The following SQSTM1 variants were observed in gnomAD, a reference collection of about 807,000 sequenced individuals.
SQSTM1 encodes the protein sequestosome 1.
A neutral mutation model predicts 45.1 loss-of-function variants in SQSTM1; 36 were observed. The observed-to-expected ratio is 0.80, with a 90% confidence interval of 0.61 to 1.05. The LOEUF (loss-of-function observed/expected upper bound fraction) is 1.05. Ranked by LOEUF, SQSTM1 falls within the 50% of genes least tolerant of loss-of-function variation. The pLI, the probability that SQSTM1 is intolerant of heterozygous loss-of-function variation, is 0.00. For missense variants in SQSTM1, 617 were observed against 607.1 expected, an observed-to-expected ratio of 1.02 and a Z score of -0.17; for synonymous variants, 290 against 244.3, an observed-to-expected ratio of 1.19 and a Z score of -1.74.
At chr5:179,808,982 C>G (rs1040370317) in intron 1 of SQSTM1, among the ~76,000 whole-genome samples, 10 of 150,944 alleles carry the variant, frequency 6.6e-5, no homozygotes, top group African/African-American at 2.4e-4. Flanking sequence ...CTCAGCCTCC[C>G]GAGTAGCTGG....
chr5:179,837,302 G>A lies in SQSTM1; in HGVS notation c.*709G>A. Reference sequence around the variant, plus strand: ...GATTGACAGTAAGTTTATTGTTAATGGTTCTTACAGAGTATCTTTAAAAGT... The same window carrying A: ...GATTGACAGTAAGTTTATTGTTAATAGTTCTTACAGAGTATCTTTAAAAGT... On this transcript the variant is annotated 3_prime_UTR_variant, in exon 8 of 8. Coordinates refer to ENST00000389805, the MANE Select transcript of SQSTM1 (RefSeq NM_003900.5). 6.2e-7 allele frequency: 1 copy of A among 1,601,270 alleles called. No homozygotes were observed. Among genetic ancestry groups the A allele is most frequent in the Non-Finnish European group, 8.5e-7 (1 of 1,174,078 alleles).
Position 179,833,768 on chromosome 5 carries a change from C to T in SQSTM1, c.1151C>T (p.Pro384Leu), listed in dbSNP as rs1235968497. 3.1e-6 allele frequency: 5 copies of T among 1,614,116 alleles called. No individual in the cohort carries two copies. Among genetic ancestry groups the T allele is most frequent in the Non-Finnish European group, 3.4e-6 (4 of 1,180,034 alleles). ...GGGCTGAAGGAAGCTGCCTTGTACCCACATCTCCCGCCAGGCAAGTGAACC... is the reference window on the plus strand; with the variant it reads ...GGGCTGAAGGAAGCTGCCTTGTACCTACATCTCCCGCCAGGCAAGTGAACC... ...PTGLKEAALY[P>L]HLPPEADPRL... The change falls in exon 7 of 8, where the codon CCA becomes CTA. Residue 384 changes from proline to leucine, a missense_variant. Physicochemically the swap from Pro to Leu is moderately conservative, Grantham distance 98. Coordinates refer to ENST00000389805, the MANE Select transcript of SQSTM1 (RefSeq NM_003900.5).
In SQSTM1 at chr5:179,823,923, C is replaced by T. The variant is rs746553762; in HGVS notation, c.367C>T (p.His123Tyr). ...CAQEAPRNMV[H>Y]PNVICDGCNG... Reference sequence around the variant, plus strand: ...TCAGGAGGCGCCCCGCAACATGGTGCACCCCAATGTGATCTGCGATGGCTG... The same window carrying T: ...TCAGGAGGCGCCCCGCAACATGGTGTACCCCAATGTGATCTGCGATGGCTG... The change falls in exon 3 of 8, where the codon CAC (histidine) becomes TAC (tyrosine). Residue 123 changes from histidine (H) to tyrosine (Y), a missense_variant. By Grantham distance (83) the His-to-Tyr change is moderately conservative. Coordinates refer to ENST00000389805, the MANE Select transcript of SQSTM1 (RefSeq NM_003900.5). The T allele has an allele frequency of 6.2e-7, 1 of 1,613,838 alleles. No individual in the cohort carries two copies. Among genetic ancestry groups the T allele is most frequent in the South Asian group, 1.1e-5 (1 of 91,086 alleles).
chr5:179,836,659 A>C lies in SQSTM1; in HGVS notation c.*66A>C, dbSNP rs140407570. The C allele has an allele frequency of 4.2e-4, 672 of 1,610,884 alleles. 7 individuals carry two copies. In the East Asian group the frequency reaches 0.013, roughly 32 times the overall value. On this transcript the variant is annotated 3_prime_UTR_variant, in exon 8 of 8. Transcript: ENST00000389805. ...CATAGTTGTGTTAAGCTTGCGTAGAATTGCAGGTCTCTGTACGGGCCAGTT... is the reference window on the plus strand; with the variant it reads ...CATAGTTGTGTTAAGCTTGCGTAGACTTGCAGGTCTCTGTACGGGCCAGTT...
At position 179,824,598 on chromosome 5, in the gene SQSTM1, C is replaced by T. The variant is rs78817589; in HGVS notation, c.673+275C>T. Among the ~76,000 whole-genome samples the T allele has an allele frequency of 3.1e-3, 473 of 152,304 alleles. 1 individual carries two copies. Among genetic ancestry groups the T allele is most frequent in the African/African-American group, 0.011 (455 of 41,554 alleles). ...TGCCCTCTCAAGGTACCCTGAGGTG[C>T]AGGCAGGGAGGCCCTTCCAGCCCAG... On this transcript the variant is annotated intron_variant, in intron 4 of 7. Coordinates refer to ENST00000389805, the MANE Select transcript of SQSTM1 (RefSeq NM_003900.5).
At chr5:179,824,579 C>A (rs1404719564) in intron 4 of SQSTM1, among the ~76,000 whole-genome samples, 1 of 152,190 alleles carries the variant, frequency 6.6e-6, no homozygotes, top group Admixed American at 6.5e-5. Flanking sequence ...AGGCTGCCCT[C>A]TCAAGGTACC....
intron 1 of SQSTM1, among the ~76,000 whole-genome samples, chr5:179,810,050 C>G (rs1400893248): frequency 6.6e-6 from 1 of 152,186 alleles, no homozygotes; most frequent in East Asian, 1.9e-4. Flanking sequence ...CCTCAGAGTG[C>G]TGGGATTACA....
chr5:179,825,007 T>C, intron 4 of SQSTM1, 139 bp from the exon 5 acceptor site: 2 of 776,190 alleles, frequency 2.6e-6, no homozygotes, highest in South Asian at 2.9e-5. Context: ...GAGAGGGGGA[T>C]GCTGAGTGGG....
intron 4 of SQSTM1, 22 bp downstream of exon 4, chr5:179,824,345 GCTT>G: frequency 6.2e-7 from 1 of 1,613,328 alleles, no homozygotes; most frequent in Non-Finnish European, 8.5e-7. Context: ...GTTGGAACCT[GCTT>G]CTGATTGGTG....
At chr5:179,812,986 C>CT in intron 2 of SQSTM1, 1 of 12,426 alleles carries the variant, frequency 8.0e-5, no homozygotes, top group Non-Finnish European at 2.1e-4. Context: ...AAAACATGGT[C>CT]CCCCCCCCCC....
chr5:179,829,338 C>A (rs1053059391), intron 5 of SQSTM1, among the ~76,000 whole-genome samples: 1 of 152,172 alleles, frequency 6.6e-6, no homozygotes, highest in South Asian at 2.1e-4. Flanking sequence ...CCTGCCAGAC[C>A]CCCAGGCACC....
intron 5 of SQSTM1, among the ~76,000 whole-genome samples, chr5:179,832,773 G>C (rs1421525837): frequency 1.3e-5 from 2 of 152,176 alleles, no homozygotes; most frequent in African/African-American, 4.8e-5. Context: ...GAGATTTGTA[G>C]CTGGGATATG....
Position 179,833,091 on chromosome 5 carries a change from T to G in SQSTM1, c.814T>G (p.Ser272Ala). ...GAAAAGAAGCCGCCTGACCCCCGTCTCTCCAGAGAGTTCCAGCACAGAGGA... is the reference window on the plus strand; with the variant it reads ...GAAAAGAAGCCGCCTGACCCCCGTCGCTCCAGAGAGTTCCAGCACAGAGGA... ...GGKRSRLTPV[S>A]PESSSTEEKS... Residue 272 changes from serine (S) to alanine (A), a missense_variant, in exon 6 of 8, where the codon TCT becomes GCT. Coordinates refer to ENST00000389805, the MANE Select transcript of SQSTM1 (RefSeq NM_003900.5). The G allele has an allele frequency of 6.2e-7, 1 of 1,614,172 alleles. No homozygotes were observed. Among genetic ancestry groups the G allele is most frequent in the Non-Finnish European group, 8.5e-7 (1 of 1,180,034 alleles).
At chr5:179,834,156 AGG>A (rs4011597) in intron 7 of SQSTM1, among the ~76,000 whole-genome samples, 25 of 100,010 alleles carry the variant, frequency 2.5e-4, no homozygotes, top group African/African-American at 7.0e-4. Flanking sequence ...CTGGTCTGAG[AGG>A]GGGGGGGGTC....
At chr5:179,808,400 T>G (rs1464429687) in intron 1 of SQSTM1, 2 of 152,232 alleles carry the variant, frequency 1.3e-5, no homozygotes, top group African/African-American at 4.8e-5. Context: ...ATAGGAGCCT[T>G]CTAGAGGAAA....
At chr5:179,816,822 T>G, upstream of SQSTM1, among the ~76,000 whole-genome samples, 1 of 152,078 alleles carries the variant, frequency 6.6e-6, no homozygotes, top group Non-Finnish European at 1.5e-5. Context: ...CCTTGCGCAC[T>G]CAGGCTGGCC....
At chr5:179,816,502 C>T (rs2113469685), upstream of SQSTM1, among the ~76,000 whole-genome samples, 1 of 152,352 alleles carries the variant, frequency 6.6e-6, no homozygotes, top group Non-Finnish European at 1.5e-5. Context: ...GCCATCGCTC[C>T]TGCTGCAAGG....
intron 7 of SQSTM1, chr5:179,836,166 T>C: frequency 1.7e-6 from 1 of 571,892 alleles, no homozygotes; most frequent in Middle Eastern, 4.6e-4. Flanking sequence ...ATGTGACAGG[T>C]GAAATGCCTA....
intron 4 of SQSTM1, 53 bp downstream of exon 4, chr5:179,824,376 T>C (rs1757916773): frequency 6.2e-7 from 1 of 1,612,622 alleles, no homozygotes; most frequent in Non-Finnish European, 8.5e-7. Context: ...TCAGGCAGCC[T>C]GTGTGCAGGG....
Sources: allele counts gnomAD v4.1 joint callset (sites outside exome capture counted in the v4.1 genomes callset), GRCh38; gene constraint gnomAD v4.1.1; transcripts MANE v1.5; gene names NCBI Gene and HGNC (gene_info 2026-07-23, HGNC 2026-07-21).